The following PPP1R1C variants were observed in gnomAD, a reference collection of about 807,000 sequenced individuals.
The protein encoded by PPP1R1C is protein phosphatase 1 regulatory subunit 1C.
In PPP1R1C, 15 loss-of-function variants were observed where a neutral mutation model predicts 17.4. That is an observed-to-expected ratio of 0.86 (90% confidence interval 0.58 to 1.33). The LOEUF is 1.33. Ranked by LOEUF, PPP1R1C falls within the 40% of genes most tolerant of loss-of-function variation. The probability of loss-of-function intolerance (pLI) is 0.00; values close to 1 mark genes in which losing one functional copy is unlikely to be tolerated. For missense variants in PPP1R1C, 143 were observed against 130.0 expected (o/e 1.10, Z -0.48); for synonymous variants, 35 against 43.1 (o/e 0.81, Z 0.73).
chr2:181,961,445 C>T lies in PPP1R1C; in HGVS notation n.111+6811C>T, dbSNP rs980237359. 93 of 844,840 alleles carry T rather than the reference C, an allele frequency of 1.1e-4. No individual in the cohort carries two copies. The highest frequency in any genetic ancestry group is 1.1e-4 in the Non-Finnish European group (59 of 513,054). The allele number at this position is 844,840 out of a possible 1,614,324, so 52.3% of individuals were successfully genotyped here. A position where few individuals can be genotyped will look rare whatever the true frequency, so the allele number is the denominator to read the frequency against. ...GCCCGGCTCTGTGCCATCTCTGACT[C>T]CAGGTGCAGCAGGATCCTGTTGAGC... is the stretch of plus-strand genomic sequence containing the variant. On this transcript the variant is annotated intron_variant and non_coding_transcript_variant, in intron 1 of 5. Transcript: ENST00000464264. This position sits in a 1 kb window ranked among gnomAD's most constrained non-coding sequence, Gnocchi z 5.8.
intron 4 of PPP1R1C, among the ~76,000 whole-genome samples, chr2:182,089,455 T>C (rs1302333250): frequency 4.6e-5 from 7 of 152,204 alleles, no homozygotes; most frequent in African/African-American, 9.6e-5. Flanking sequence ...TATTTCAAAG[T>C]TGGAAAAGCT....
chr2:182,090,961 A>G (rs951685423), intron 4 of PPP1R1C, among the ~76,000 whole-genome samples: 6 of 152,164 alleles, frequency 3.9e-5, no homozygotes, highest in Non-Finnish European at 7.4e-5. Flanking sequence ...CACAAGTCCT[A>G]CCTTCCTTTC....
intron 2 of PPP1R1C, among the ~76,000 whole-genome samples, chr2:181,997,532 T>C (rs1685649827): frequency 6.6e-6 from 1 of 152,236 alleles, no homozygotes; most frequent in South Asian, 2.1e-4. Context: ...CAAATTGTAT[T>C]ATTTTAAAAT....
chr2:182,044,533 A>G (rs1278383572), intron 2 of PPP1R1C, among the ~76,000 whole-genome samples: 1 of 152,196 alleles, frequency 6.6e-6, no homozygotes, highest in Non-Finnish European at 1.5e-5. Flanking sequence ...TTTGCTGGCC[A>G]TCTCAGCAGC....
intron 2 of PPP1R1C, chr2:182,023,681 C>T (rs1390750284): frequency 6.6e-6 from 1 of 152,046 alleles, no homozygotes; most frequent in African/African-American, 2.4e-5. Context: ...AGTACAGTGG[C>T]ACAACCATAA....
chr2:181,998,559 C>T (rs573446727), intron 2 of PPP1R1C, among the ~76,000 whole-genome samples: 36 of 152,270 alleles, frequency 2.4e-4, no homozygotes, highest in Non-Finnish European at 4.6e-4. Context: ...TTGACAACTG[C>T]ACTAAAGCTG....
chr2:182,034,628 C>G (rs1471296705), intron 2 of PPP1R1C, among the ~76,000 whole-genome samples: 1 of 152,066 alleles, frequency 6.6e-6, no homozygotes, highest in African/African-American at 2.4e-5. Flanking sequence ...ATTACTCATA[C>G]CTATTCGAAT....
upstream of PPP1R1C, among the ~76,000 whole-genome samples, chr2:181,981,702 A>G (rs1227618379): frequency 5.9e-5 from 9 of 152,212 alleles, no homozygotes; most frequent in Admixed American, 5.2e-4. Flanking sequence ...AAAGCCCAAT[A>G]ATATTGTCAC....
In PPP1R1C at chr2:181,961,978, C is replaced by T. The variant is rs1221906800; in HGVS notation, n.111+7344C>T. On this transcript the variant is annotated intron_variant and non_coding_transcript_variant, in intron 1 of 5. Transcript: ENST00000464264. This position sits in a 1 kb window ranked among gnomAD's most constrained non-coding sequence, Gnocchi z 5.8. ...GGTGCATGGCCAGCTCTGTCTCATA[C>T]TTGACTCTAAAGTCATCGGCTGCAA... is the stretch of plus-strand genomic sequence containing the variant. 6.8e-6 allele frequency: 5 copies of T among 734,920 alleles called. No individual in the cohort carries two copies. Among genetic ancestry groups the T allele is most frequent in the Non-Finnish European group, 1.0e-5 (4 of 398,108 alleles). 45.5% of individuals were successfully genotyped at this position (734,920 alleles called of 1,614,324 possible). A position where few individuals can be genotyped will look rare whatever the true frequency, so the allele number is the denominator to read the frequency against.
intron 2 of PPP1R1C, among the ~76,000 whole-genome samples, chr2:182,007,960 C>T (rs1186103474): frequency 1.3e-5 from 2 of 151,776 alleles, no homozygotes; most frequent in Admixed American, 6.6e-5. Flanking sequence ...CCCAGCTACT[C>T]GGGAGGCTGA....
At chr2:182,073,716 G>T (rs1323471638) in intron 4 of PPP1R1C, among the ~76,000 whole-genome samples, 3 of 152,204 alleles carry the variant, frequency 2.0e-5, no homozygotes. Flanking sequence ...GTTGAGGGAT[G>T]AGTGAGATTT....
chr2:182,053,834 G>A (rs2125190568), intron 2 of PPP1R1C, among the ~76,000 whole-genome samples: 1 of 151,896 alleles, frequency 6.6e-6, no homozygotes, highest in South Asian at 2.1e-4. Context: ...AGGCTGGAGT[G>A]CAGTGGTGTG....
At chr2:182,087,254 A>G (rs1688654518) in intron 4 of PPP1R1C, among the ~76,000 whole-genome samples, 3 of 152,206 alleles carry the variant, frequency 2.0e-5, no homozygotes, top group African/African-American at 7.2e-5. Context: ...AGTCCTCGTA[A>G]TGCCTGCAAG....
chr2:182,051,019 T>C (rs1469859979), intron 2 of PPP1R1C, among the ~76,000 whole-genome samples: 2 of 152,210 alleles, frequency 1.3e-5, no homozygotes, highest in East Asian at 1.9e-4. Flanking sequence ...CTTCTCATGA[T>C]GCAGCGAGAT....
At chr2:181,960,501 G>A (rs976606829) in intron 1 of PPP1R1C, among the ~76,000 whole-genome samples, 2 of 152,184 alleles carry the variant, frequency 1.3e-5, no homozygotes, top group African/African-American at 4.8e-5. Context: ...CAGGAAAACT[G>A]GAGCTCTGCA....
chr2:182,115,847 T>C (rs1408428436), intron 4 of PPP1R1C, among the ~76,000 whole-genome samples: 2 of 152,232 alleles, frequency 1.3e-5, no homozygotes, highest in Non-Finnish European at 2.9e-5. Context: ...CTTGAGACTC[T>C]TTGTTTTATA....
chr2:182,078,037 C>T (rs1020048925), intron 4 of PPP1R1C, among the ~76,000 whole-genome samples: 9 of 151,984 alleles, frequency 5.9e-5, no homozygotes, highest in African/African-American at 1.7e-4. Context: ...AAAAATTAGC[C>T]GGGTGTGTGG....
At chr2:182,059,360 A>AT (rs892822303) in intron 2 of PPP1R1C, among the ~76,000 whole-genome samples, 19 of 149,830 alleles carry the variant, frequency 1.3e-4, no homozygotes, top group Admixed American at 4.0e-4. Context: ...CCAAAATAGT[A>AT]TTTTTTTTTT....
intron 4 of PPP1R1C, among the ~76,000 whole-genome samples, chr2:182,073,166 T>G (rs1688188828): frequency 6.6e-6 from 1 of 151,916 alleles, no homozygotes; most frequent in Non-Finnish European, 1.5e-5. Context: ...TCTAAATCCT[T>G]TTAGCTGTGC....
Sources: gnomAD v4.1 joint callset for allele counts (sites outside exome capture counted in the v4.1 genomes callset) on GRCh38, gnomAD v4.1.1 for gene constraint, Gnocchi (gnomAD v3.1) non-coding constraint, MANE v1.5 for transcripts, NCBI Gene and HGNC (gene_info 2026-07-23, HGNC 2026-07-21) for gene names.